MMADHC: variants seen among roughly 807,000 people sequenced by gnomAD.
The protein encoded by MMADHC is metabolism of cobalamin associated D, also known as cobalamin trafficking protein CblD.
A neutral mutation model predicts 36.3 loss-of-function variants in MMADHC; 23 were observed. That is an observed-to-expected ratio of 0.63 (90% confidence interval 0.46 to 0.90). The LOEUF is 0.90. Ranked by LOEUF, MMADHC falls within the 40% of genes least tolerant of loss-of-function variation. The pLI is 0.00. For synonymous variants in MMADHC, 97 were observed against 116.1 expected (o/e 0.84, Z 1.06); for missense variants, 330 against 348.0 (o/e 0.95, Z 0.41).
At chr2:149,570,739 GAAT>G (rs1682626454) in intron 7 of MMADHC, among the ~76,000 whole-genome samples, 1 of 152,028 alleles carries the variant, frequency 6.6e-6, no homozygotes, top group South Asian at 2.1e-4. Flanking sequence ...TTAATTCTAA[GAAT>G]AATTATTTCT....
At chr2:149,575,453 C>CT (rs1682700725) in intron 6 of MMADHC, among the ~76,000 whole-genome samples, 2 of 151,880 alleles carry the variant, frequency 1.3e-5, no homozygotes, top group African/African-American at 4.8e-5. Flanking sequence ...TTAATTTTAC[C>CT]TTTTTGTCAT....
intron 6 of MMADHC, among the ~76,000 whole-genome samples, chr2:149,572,742 T>C (rs192031715): frequency 2.0e-5 from 3 of 152,262 alleles, no homozygotes; most frequent in Non-Finnish European, 4.4e-5. Context: ...AGCTAAGGGC[T>C]GAGCTGTGCA....
intron 2 of MMADHC, 135 bp downstream of exon 2, chr2:149,586,954 T>C: frequency 1.1e-6 from 1 of 882,248 alleles, no homozygotes; most frequent in South Asian, 1.4e-5. Flanking sequence ...TCACACCACT[T>C]GCTTCCCTTG....
Position 149,575,839 on chromosome 2 carries a change from A to T in MMADHC, c.481T>A (p.Phe161Ile), listed in dbSNP as rs762133931. The T allele has an allele frequency of 3.9e-5, 62 of 1,596,882 alleles. 1 individual carries two copies. In the East Asian group the frequency reaches 1.3e-3, roughly 34 times the overall value. The change falls in exon 6 of 8, where the codon TTT becomes ATT. Residue 161 changes from phenylalanine to isoleucine, a missense_variant and splice_region_variant. Transcript: ENST00000303319. Reference sequence around the variant, plus strand: ...GCTACTTCTGGAAACAGTGATTCAAAATCTACAAATAAGAATAAACATTCC... The same window carrying T: ...GCTACTTCTGGAAACAGTGATTCAATATCTACAAATAAGAATAAACATTCC... ...QTCPELLRKD[F>I]ESLFPEVANG...
chr2:149,585,465 A>C (rs1175250006), intron 2 of MMADHC, among the ~76,000 whole-genome samples: 1 of 152,254 alleles, frequency 6.6e-6, no homozygotes, highest in Non-Finnish European at 1.5e-5. Flanking sequence ...TGTGCATCCC[A>C]CAGTGTTGCA....
intron 6 of MMADHC, among the ~76,000 whole-genome samples, chr2:149,574,906 T>C (rs906985488): frequency 6.6e-6 from 1 of 152,092 alleles, no homozygotes; most frequent in Non-Finnish European, 1.5e-5. Flanking sequence ...GCTCCAGTGA[T>C]CCGCCACCTC....
intron 6 of MMADHC, chr2:149,572,382 G>C (rs1682654694): frequency 1.4e-5 from 4 of 290,696 alleles, no homozygotes; most frequent in Non-Finnish European, 2.7e-5. Flanking sequence ...CCATAACAGA[G>C]TTAACAGGTA....
At chr2:149,579,009 T>G (rs1404275019) in intron 4 of MMADHC, among the ~76,000 whole-genome samples, 2 of 150,480 alleles carry the variant, frequency 1.3e-5, no homozygotes, top group Non-Finnish European at 3.0e-5. Flanking sequence ...TTACTATATC[T>G]GAACAATTTC....
intron 3 of MMADHC, among the ~76,000 whole-genome samples, chr2:149,580,949 T>A (rs930842805): frequency 6.6e-6 from 1 of 152,212 alleles, no homozygotes. Flanking sequence ...ATGCAGATCA[T>A]GTTGAATAAC....
intron 2 of MMADHC, chr2:149,586,878 G>A (rs905024247): frequency 5.1e-6 from 3 of 590,732 alleles, no homozygotes; most frequent in African/African-American, 3.7e-5. Context: ...CTGTACAAAT[G>A]AAATTGTATA....
intron 6 of MMADHC, 43 bp from the exon 7 acceptor site, chr2:149,571,214 T>C (rs959745210): frequency 5.9e-6 from 7 of 1,183,182 alleles, no homozygotes; most frequent in African/African-American, 3.1e-5. Flanking sequence ...ATAGCATTAC[T>C]AGAGATTGTT....
intron 3 of MMADHC, 109 bp downstream of exon 3, chr2:149,582,018 A>T: frequency 8.0e-7 from 1 of 1,250,828 alleles, no homozygotes; most frequent in Non-Finnish European, 1.1e-6. Flanking sequence ...AACTGAACAA[A>T]CACAACTTTA....
At chr2:149,587,364 A>G in intron 1 of MMADHC, 1 of 551,236 alleles carries the variant, frequency 1.8e-6, no homozygotes, top group Non-Finnish European at 3.3e-6. Context: ...CTTCCGGTTT[A>G]CAGCCGCGGA....
At position 149,587,665 on chromosome 2, in the gene MMADHC, A is replaced by C. The variant is rs1180078961; in HGVS notation, c.-54T>G. On this transcript the variant is annotated splice_region_variant and 5_prime_UTR_variant, in exon 1 of 8. Coordinates refer to ENST00000303319, the MANE Select transcript of MMADHC (RefSeq NM_015702.3). ...AACATGGGCGGAAACCATCCGTACC[A>C]GTCACCACCACTGTCTCCAGCTGTC... The C allele has an allele frequency of 6.3e-6, 1 of 157,614 alleles. No homozygotes were observed. Among genetic ancestry groups the C allele is most frequent in the Non-Finnish European group, 1.4e-5 (1 of 70,682 alleles). The allele number at this position is 157,614 out of a possible 1,614,324, so 9.8% of individuals were successfully genotyped here. A position where few individuals can be genotyped will look rare whatever the true frequency, so the allele number is the denominator to read the frequency against.
chr2:149,570,422 TG>T (rs754608034), intron 7 of MMADHC, among the ~76,000 whole-genome samples: 5 of 152,188 alleles, frequency 3.3e-5, no homozygotes, highest in Non-Finnish European at 5.9e-5. Flanking sequence ...CCTTTGAAGA[TG>T]GAATAAACCC....
At chr2:149,576,302 G>T in intron 5 of MMADHC, 135 bp downstream of exon 5, 1 of 696,422 alleles carries the variant, frequency 1.4e-6, no homozygotes, top group Non-Finnish European at 2.6e-6. Flanking sequence ...CTTTATCTTG[G>T]CCATGCAATC....
At chr2:149,582,594 A>T (rs1473929031) in intron 2 of MMADHC, among the ~76,000 whole-genome samples, 2 of 152,176 alleles carry the variant, frequency 1.3e-5, no homozygotes, top group East Asian at 3.9e-4. Context: ...AAGGTAGCAC[A>T]ACTAACAAGA....
At chr2:149,580,396 C>T (rs1448915169) in intron 3 of MMADHC, among the ~76,000 whole-genome samples, 1 of 152,260 alleles carries the variant, frequency 6.6e-6, no homozygotes, top group Non-Finnish European at 1.5e-5. Context: ...ACCTAATGCT[C>T]TGTTTACCAG....
intron 2 of MMADHC, among the ~76,000 whole-genome samples, chr2:149,584,916 G>C (rs943475873): frequency 1.3e-5 from 2 of 151,854 alleles, no homozygotes; most frequent in African/African-American, 4.8e-5. Context: ...CGTGGCAAGT[G>C]CCTATAATCC....
Sources: gnomAD v4.1 joint callset for allele counts (sites outside exome capture counted in the v4.1 genomes callset) on GRCh38, gnomAD v4.1.1 for gene constraint, MANE v1.5 for transcripts, NCBI Gene and HGNC (gene_info 2026-07-23, HGNC 2026-07-21) for gene names.